Variants in NR3C2 observed in about 807,000 individuals in gnomAD.
NR3C2 encodes mineralocorticoid receptor.
Under a neutral mutation model 86.4 loss-of-function variants are expected in NR3C2, and 15 were observed. That is an observed-to-expected ratio of 0.17 (90% CI 0.12 to 0.27). NR3C2 has a LOEUF of 0.27. NR3C2 is among the 10% of genes least tolerant of loss of function. The pLI is 1.00. For missense variants in NR3C2, 960 were observed against 1,195.6 expected (o/e 0.80, Z 2.91); for synonymous variants, 458 against 450.5 (o/e 1.02, Z -0.21).
intron 2 of NR3C2, among the ~76,000 whole-genome samples, chr4:148,284,893 T>C (rs1329809695): frequency 1.3e-5 from 2 of 152,238 alleles, no homozygotes; most frequent in Non-Finnish European, 2.9e-5. Context: ...CTTCTCACTA[T>C]TGGTCATTGT....
At chr4:148,110,042 G>C (rs183412199) in intron 8 of NR3C2, among the ~76,000 whole-genome samples, 1 of 152,248 alleles carries the variant, frequency 6.6e-6, no homozygotes, top group Non-Finnish European at 1.5e-5. Flanking sequence ...CTTTCTAGTA[G>C]AGTAAGGATT....
chr4:148,214,153 T>C (rs1291678660), intron 3 of NR3C2, among the ~76,000 whole-genome samples: 1 of 152,212 alleles, frequency 6.6e-6, no homozygotes, highest in Non-Finnish European at 1.5e-5. Context: ...TTCTGTGCAA[T>C]TGTAAAAGTA....
intron 2 of NR3C2, among the ~76,000 whole-genome samples, chr4:148,407,591 T>C (rs1748484310): frequency 1.3e-5 from 2 of 152,154 alleles, no homozygotes; most frequent in African/African-American, 4.8e-5. Flanking sequence ...CTTCCAAGTA[T>C]GCCAAAAAGC....
intron 1 of NR3C2, among the ~76,000 whole-genome samples, chr4:148,438,237 C>A (rs1750169803): frequency 6.6e-6 from 1 of 152,134 alleles, no homozygotes; most frequent in Non-Finnish European, 1.5e-5. Context: ...CTAACCCCTA[C>A]CCACTAGATG....
chr4:148,295,469 C>G (rs1561024715), intron 2 of NR3C2, among the ~76,000 whole-genome samples: 1 of 150,540 alleles, frequency 6.6e-6, no homozygotes, highest in Admixed American at 6.7e-5. Context: ...GAGACTAAAT[C>G]CACAGATATT....
chr4:148,305,981 C>T (rs1393950883), intron 2 of NR3C2, among the ~76,000 whole-genome samples: 1 of 152,186 alleles, frequency 6.6e-6, no homozygotes, highest in Non-Finnish European at 1.5e-5. Context: ...TGAGGACAGA[C>T]TCATGGGGAG....
chr4:148,107,046 T>A (rs1167240474), intron 8 of NR3C2, among the ~76,000 whole-genome samples: 2 of 152,084 alleles, frequency 1.3e-5, no homozygotes, highest in African/African-American at 4.8e-5. Context: ...TGCACATCAA[T>A]AGAAACTATT....
At chr4:148,163,631 T>C (rs1483369021) in intron 4 of NR3C2, among the ~76,000 whole-genome samples, 1 of 148,022 alleles carries the variant, frequency 6.8e-6, no homozygotes. Context: ...TTTACCATTA[T>C]AAAGCAAGCT....
At chr4:148,394,677 G>A (rs1442417274) in intron 2 of NR3C2, among the ~76,000 whole-genome samples, 1 of 152,164 alleles carries the variant, frequency 6.6e-6, no homozygotes, top group Non-Finnish European at 1.5e-5. Context: ...CAGGGACAGA[G>A]CAAGACCCTC....
intron 2 of NR3C2, among the ~76,000 whole-genome samples, chr4:148,433,306 A>G (rs192237336): frequency 1.1e-3 from 175 of 152,310 alleles, no homozygotes; most frequent in African/African-American, 3.5e-3. Flanking sequence ...TTCAAAAATA[A>G]AAAAGCATAA....
rs1749669661 is a variant in NR3C2, at chr4:148,428,818, AC to A, written c.1757+6285del. ...AACAAGGCTCTTTATACTCCTATCC[AC>A]CCTACAAACACACTGCCCAATAAGG... is the stretch of plus-strand genomic sequence containing the variant. On this transcript the variant is annotated intron_variant, in intron 2 of 8. Coordinates refer to ENST00000358102, the MANE Select transcript of NR3C2 (RefSeq NM_000901.5). Among the ~76,000 whole-genome samples, 3 of 151,922 alleles carry A rather than the reference AC, an allele frequency of 2.0e-5. No homozygotes were observed. In the South Asian group the frequency reaches 6.2e-4, roughly 32 times the overall value.
chr4:148,195,084 T>C (rs972893066), intron 3 of NR3C2, among the ~76,000 whole-genome samples: 9 of 152,236 alleles, frequency 5.9e-5, no homozygotes, highest in Non-Finnish European at 1.3e-4. Context: ...TTTTCAAACA[T>C]GTTCTAATAT....
chr4:148,399,393 C>G (rs1748024749), intron 2 of NR3C2, among the ~76,000 whole-genome samples: 1 of 151,322 alleles, frequency 6.6e-6, no homozygotes, highest in African/African-American at 2.4e-5. Flanking sequence ...ATATAATACA[C>G]TACATATTAA....
In NR3C2 at chr4:148,092,653, G is replaced by C. The variant is rs531777427; in HGVS notation, c.2800-11154C>G. Among the ~76,000 whole-genome samples, 46 of 152,282 alleles carry C rather than the reference G, an allele frequency of 3.0e-4. 1 individual carries two copies. In the South Asian group the frequency reaches 6.0e-3, roughly 20 times the overall value. On this transcript the variant is annotated intron_variant, in intron 8 of 8. Transcript: ENST00000358102. Reference sequence around the variant, plus strand: ...CAACCTAAATGAGCATCTTCATTTTGTGGCACCAATATTGCAAAACTCAAT... The same window carrying C: ...CAACCTAAATGAGCATCTTCATTTTCTGGCACCAATATTGCAAAACTCAAT...
intron 2 of NR3C2, among the ~76,000 whole-genome samples, chr4:148,378,392 A>T (rs563343031): frequency 1.6e-4 from 24 of 152,016 alleles, no homozygotes; most frequent in African/African-American, 2.7e-4. Flanking sequence ...AAAAAAAAAA[A>T]ATATACACAC....
intron 2 of NR3C2, among the ~76,000 whole-genome samples, chr4:148,405,228 C>G (rs776921640): frequency 1.3e-5 from 2 of 152,198 alleles, no homozygotes; most frequent in Non-Finnish European, 2.9e-5. Flanking sequence ...CATAGGGCTA[C>G]ACAAAAAGAG....
intron 2 of NR3C2, among the ~76,000 whole-genome samples, chr4:148,373,450 T>G (rs978791051): frequency 5.3e-5 from 8 of 151,560 alleles, no homozygotes; most frequent in African/African-American, 1.9e-4. Context: ...AAAGGTTTGC[T>G]GACTTGAACT....
At chr4:148,201,431 T>C (rs1736715287) in intron 3 of NR3C2, among the ~76,000 whole-genome samples, 2 of 152,134 alleles carry the variant, frequency 1.3e-5, no homozygotes, top group Admixed American at 6.6e-5. Flanking sequence ...GTGTTTTTAT[T>C]ATTGCCATGT....
At chr4:148,419,175 CAT>C (rs148434645) in intron 2 of NR3C2, among the ~76,000 whole-genome samples, 8,303 of 151,082 alleles carry the variant, frequency 0.055, 735 homozygotes, top group African/African-American at 0.19. Context: ...AAATGCATAA[CAT>C]AGCATCACTG....
Sources: allele counts gnomAD v4.1 joint callset (sites outside exome capture counted in the v4.1 genomes callset), GRCh38; gene constraint gnomAD v4.1.1; transcripts MANE v1.5; gene names NCBI Gene and HGNC (gene_info 2026-07-23, HGNC 2026-07-21).